Variants in FRMD5 observed in about 807,000 individuals in gnomAD.
FRMD5 encodes FERM domain-containing protein 5.
In FRMD5, 20 loss-of-function variants were observed where a neutral mutation model predicts 69.0. That is an observed-to-expected ratio of 0.29 (90% confidence interval 0.20 to 0.42). The LOEUF (loss-of-function observed/expected upper bound fraction) is 0.42, where lower values mean the gene tolerates loss of function less well. Ranked by LOEUF, FRMD5 falls within the 10% of genes least tolerant of loss-of-function variation. The pLI is 1.00. For missense variants in FRMD5, 595 were observed against 708.6 expected (o/e 0.84, Z 1.82); for synonymous variants, 271 against 260.1 (o/e 1.04, Z -0.40).
chr15:43,997,030 G>A (rs1206397866), intron 1 of FRMD5, among the ~76,000 whole-genome samples: 1 of 152,050 alleles, frequency 6.6e-6, no homozygotes, highest in Non-Finnish European at 1.5e-5. Context: ...GAACTAGAAT[G>A]TACAAACACA....
chr15:43,907,928 A>G (rs1483662536), intron 5 of FRMD5, among the ~76,000 whole-genome samples: 3 of 152,200 alleles, frequency 2.0e-5, no homozygotes, highest in Non-Finnish European at 4.4e-5. Flanking sequence ...GTTGTGAGCC[A>G]CTGTGCCTGG....
chr15:44,191,127 A>G (rs539351578), intron 1 of FRMD5, among the ~76,000 whole-genome samples: 1 of 152,346 alleles, frequency 6.6e-6, no homozygotes, highest in African/African-American at 2.4e-5. Flanking sequence ...TATGTCTCTC[A>G]GTAAAATCAA....
At chr15:44,002,130 T>G (rs1156676361) in intron 1 of FRMD5, among the ~76,000 whole-genome samples, 1 of 152,180 alleles carries the variant, frequency 6.6e-6, no homozygotes, top group African/African-American at 2.4e-5. Context: ...CACAATAAGA[T>G]GTCCCAGGCC....
chr15:44,172,055 T>C (rs1201167462), intron 1 of FRMD5, among the ~76,000 whole-genome samples: 1 of 151,580 alleles, frequency 6.6e-6, no homozygotes, highest in Admixed American at 6.6e-5. Flanking sequence ...TGAGCCACCA[T>C]ACCCAGCCTC....
chr15:44,135,733 G>A (rs1235225423), intron 1 of FRMD5, among the ~76,000 whole-genome samples: 2 of 150,062 alleles, frequency 1.3e-5, no homozygotes, highest in Non-Finnish European at 3.0e-5. Context: ...GCTGAGGCAG[G>A]AGAATTGCTT....
chr15:44,071,668 A>G (rs543240113), intron 1 of FRMD5, among the ~76,000 whole-genome samples: 1 of 152,246 alleles, frequency 6.6e-6, no homozygotes, highest in African/African-American at 2.4e-5. Context: ...ACCTAAGTTC[A>G]TGATTTTATG....
At chr15:44,055,031 T>A (rs1216508235) in intron 1 of FRMD5, among the ~76,000 whole-genome samples, 1 of 149,758 alleles carries the variant, frequency 6.7e-6, no homozygotes, top group Admixed American at 6.7e-5. Context: ...GATCGCACCA[T>A]TGTACTCCAG....
chr15:43,890,972 G>A (rs1595486903), intron 8 of FRMD5, among the ~76,000 whole-genome samples: 1 of 152,286 alleles, frequency 6.6e-6, no homozygotes, highest in East Asian at 1.9e-4. Context: ...GGAAGCAACT[G>A]TACTCAAGAT....
chr15:43,933,968 A>G (rs544622778), intron 1 of FRMD5, among the ~76,000 whole-genome samples: 23 of 152,300 alleles, frequency 1.5e-4, no homozygotes, highest in Admixed American at 3.3e-4. Flanking sequence ...AACATGTCCT[A>G]TCCTGGCCTT....
At chr15:44,100,331 A>G (rs2076620642) in intron 1 of FRMD5, among the ~76,000 whole-genome samples, 1 of 151,854 alleles carries the variant, frequency 6.6e-6, no homozygotes, top group Non-Finnish European at 1.5e-5. Context: ...TGCTGGGATT[A>G]CAGGCATGAG....
intron 1 of FRMD5, among the ~76,000 whole-genome samples, chr15:44,009,535 T>C (rs1205279291): frequency 6.6e-6 from 1 of 152,004 alleles, no homozygotes; most frequent in Non-Finnish European, 1.5e-5. Context: ...AAAAATTAGC[T>C]AGGCATGGTG....
At chr15:43,897,772 C>G (rs1356014916) in intron 7 of FRMD5, among the ~76,000 whole-genome samples, 1 of 152,158 alleles carries the variant, frequency 6.6e-6, no homozygotes, top group Non-Finnish European at 1.5e-5. Context: ...CCACCCAAAT[C>G]TGATGTGGAA....
chr15:43,960,312 C>T (rs1249788333), intron 1 of FRMD5, among the ~76,000 whole-genome samples: 2 of 152,018 alleles, frequency 1.3e-5, no homozygotes, highest in Admixed American at 6.6e-5. Context: ...TGCAGTGGCG[C>T]GATCTTGGCT....
At chr15:43,903,906 C>A (rs1314188200) in intron 6 of FRMD5, among the ~76,000 whole-genome samples, 1 of 152,202 alleles carries the variant, frequency 6.6e-6, no homozygotes, top group Non-Finnish European at 1.5e-5. Context: ...TTGAAGGAAC[C>A]ATGAGGCCCC....
At chr15:43,910,935 C>A (rs1341738493) in intron 4 of FRMD5, among the ~76,000 whole-genome samples, 1 of 152,182 alleles carries the variant, frequency 6.6e-6, no homozygotes, top group African/African-American at 2.4e-5. Context: ...ACTGTGAGAC[C>A]CCTAAACTTG....
chr15:44,032,838 C>T (rs1237813347), intron 1 of FRMD5, among the ~76,000 whole-genome samples: 1 of 152,108 alleles, frequency 6.6e-6, no homozygotes, highest in Non-Finnish European at 1.5e-5. Context: ...TACCATTGGA[C>T]CCAGCAATCC....
At chr15:43,953,249 G>A (rs1031973700) in intron 1 of FRMD5, among the ~76,000 whole-genome samples, 1 of 152,356 alleles carries the variant, frequency 6.6e-6, no homozygotes, top group South Asian at 2.1e-4. Context: ...TCCCAGGGGA[G>A]CAAAACTGCA....
At chr15:43,990,051 C>T (rs1306306598) in intron 1 of FRMD5, 3 of 746,116 alleles carry the variant, frequency 4.0e-6, no homozygotes, top group Admixed American at 1.8e-5. Context: ...CCATGCCCAC[C>T]GTCACGCCCT....
At chr15:43,991,691 T>C (rs1306618889) in intron 1 of FRMD5, among the ~76,000 whole-genome samples, 2 of 152,112 alleles carry the variant, frequency 1.3e-5, no homozygotes, top group African/African-American at 4.8e-5. Flanking sequence ...AAATCCACAA[T>C]CTCGTCTCTA....
Sources: gnomAD v4.1 joint callset for allele counts (sites outside exome capture counted in the v4.1 genomes callset) on GRCh38, gnomAD v4.1.1 for gene constraint, MANE v1.5 for transcripts, NCBI Gene and HGNC (gene_info 2026-07-23, HGNC 2026-07-21) for gene names.